CTNNA3: variants seen among roughly 807,000 people sequenced by gnomAD.
CTNNA3 encodes the protein catenin alpha 3.
Under a neutral mutation model 95.7 loss-of-function variants are expected in CTNNA3, and 76 were observed. That is an observed-to-expected ratio of 0.79 (90% CI 0.66 to 0.96). The LOEUF (loss-of-function observed/expected upper bound fraction) is 0.96. CTNNA3 is among the 40% of genes least tolerant of loss of function. CTNNA3 has a pLI of 0.00. For missense variants in CTNNA3, 1,191 were observed against 1,089.8 expected (o/e 1.09, Z -1.31); for synonymous variants, 431 against 374.4 (o/e 1.15, Z -1.74).
intron 9 of CTNNA3, among the ~76,000 whole-genome samples, chr10:66,703,073 A>G (rs1407331475): frequency 6.6e-6 from 1 of 152,112 alleles, no homozygotes; most frequent in African/African-American, 2.4e-5. Context: ...AAAGACTCTG[A>G]AATTATATTT....
At chr10:66,880,653 T>C (rs1844808575) in intron 7 of CTNNA3, among the ~76,000 whole-genome samples, 1 of 152,110 alleles carries the variant, frequency 6.6e-6, no homozygotes, top group South Asian at 2.1e-4. Flanking sequence ...ATTTAGAGAA[T>C]ACCTGCTAGG....
intron 15 of CTNNA3, among the ~76,000 whole-genome samples, chr10:66,044,345 T>C (rs2079775121): frequency 6.6e-6 from 1 of 151,952 alleles, no homozygotes; most frequent in Non-Finnish European, 1.5e-5. Flanking sequence ...TTTATATTTA[T>C]CCAGAAAAAT....
chr10:65,932,816 AACTTTGTCCCC>A (rs1187843912), intron 17 of CTNNA3, among the ~76,000 whole-genome samples: 6 of 152,160 alleles, frequency 3.9e-5, no homozygotes, highest in African/African-American at 1.2e-4. Flanking sequence ...TTCATCATTG[AACTTTGTCCCC>A]ACTTGGTTTT....
At chr10:67,741,341 A>C (rs1332882668) in intron 1 of CTNNA3, among the ~76,000 whole-genome samples, 1 of 146,368 alleles carries the variant, frequency 6.8e-6, no homozygotes, top group Non-Finnish European at 1.5e-5. Flanking sequence ...AAAATAAAAA[A>C]AGAACAAAAA....
At chr10:66,012,666 T>A (rs1236594620) in intron 15 of CTNNA3, among the ~76,000 whole-genome samples, 1 of 152,174 alleles carries the variant, frequency 6.6e-6, no homozygotes, top group Non-Finnish European at 1.5e-5. Flanking sequence ...GAATGGAAAC[T>A]TGATGGTCAA....
rs1385964449 is a variant in CTNNA3, at chr10:67,532,450, A to C, written c.459+7053T>G. Among the ~76,000 whole-genome samples the C allele has an allele frequency of 2.0e-5, 3 of 152,240 alleles. No homozygotes were observed. In the East Asian group the frequency reaches 5.8e-4, roughly 29 times the overall value. Reference sequence around the variant, plus strand: ...TATTGTTTGTCCACAAATGCTTTATAAAATTATGTAGCAAATGTTAAATAT... The same window carrying C: ...TATTGTTTGTCCACAAATGCTTTATCAAATTATGTAGCAAATGTTAAATAT... On this transcript the variant is annotated intron_variant, in intron 4 of 17. Coordinates refer to ENST00000433211, the MANE Select transcript of CTNNA3 (RefSeq NM_013266.4).
chr10:66,858,622 C>A (rs1055089517), intron 7 of CTNNA3, among the ~76,000 whole-genome samples: 2 of 151,912 alleles, frequency 1.3e-5, no homozygotes, highest in Non-Finnish European at 2.9e-5. Flanking sequence ...CTCCCTGGTT[C>A]AATCTTAGGA....
At chr10:66,873,863 T>C (rs1424989767) in intron 7 of CTNNA3, among the ~76,000 whole-genome samples, 1 of 152,186 alleles carries the variant, frequency 6.6e-6, no homozygotes. Flanking sequence ...AAAGAACTTA[T>C]GTCTAAGTTG....
intron 15 of CTNNA3, among the ~76,000 whole-genome samples, chr10:66,021,337 A>G (rs1175989807): frequency 1.3e-5 from 2 of 152,176 alleles, no homozygotes; most frequent in Non-Finnish European, 2.9e-5. Flanking sequence ...AGCAATCCAC[A>G]TCCTCATGTC....
chr10:67,592,106 T>G (rs1842809103), intron 3 of CTNNA3, among the ~76,000 whole-genome samples: 1 of 152,084 alleles, frequency 6.6e-6, no homozygotes, highest in African/African-American at 2.4e-5. Context: ...TGAATGGTGC[T>G]TTTTCCAAGA....
chr10:67,110,362 C>CAA (rs201393286), intron 7 of CTNNA3, among the ~76,000 whole-genome samples: 2 of 150,582 alleles, frequency 1.3e-5, no homozygotes, highest in Non-Finnish European at 3.0e-5. Flanking sequence ...ACTTGGCTTA[C>CAA]AAAAAAAAAT....
intron 13 of CTNNA3, among the ~76,000 whole-genome samples, chr10:66,219,772 T>A (rs1224858019): frequency 6.6e-6 from 1 of 152,134 alleles, no homozygotes; most frequent in Non-Finnish European, 1.5e-5. Context: ...TTCAAGCCAC[T>A]ATGATTTGGG....
At chr10:67,412,862 T>C (rs915182625) in intron 5 of CTNNA3, among the ~76,000 whole-genome samples, 1 of 152,110 alleles carries the variant, frequency 6.6e-6, no homozygotes, top group South Asian at 2.1e-4. Flanking sequence ...AAGGGAGTTC[T>C]AAACATGAAT....
In CTNNA3 at chr10:67,690,742, T is replaced by C. The variant is rs182469094; in HGVS notation, c.-6+5258A>G. Among the ~76,000 whole-genome samples, 591 of 152,294 alleles carry C rather than the reference T, an allele frequency of 3.9e-3. 6 individuals are homozygous for C. The highest frequency in any genetic ancestry group is 0.014 in the African/African-American group (563 of 41,560). On this transcript the variant is annotated intron_variant, in intron 1 of 17. Transcript: ENST00000433211. ...CACCTCTCAAGAGGAGATAAATGTT[T>C]ATACAGTGTAACTTAAGCAACGCTA...
At chr10:66,767,993 G>A (rs981242657) in intron 8 of CTNNA3, among the ~76,000 whole-genome samples, 3 of 152,164 alleles carry the variant, frequency 2.0e-5, no homozygotes, top group African/African-American at 7.2e-5. Context: ...GGGGTTACAA[G>A]GCAAAGGGGA....
rs1842265821 is a variant in CTNNA3 at position 66,552,944 on chromosome 10, AT to A, written c.1375-32172del. On this transcript the variant is annotated intron_variant, in intron 10 of 17. Transcript: ENST00000433211. ...CTATTTTCTCTGATAGTTGATAAGT[AT>A]TTTAAAAATATGCTGAGTGATTTTT... Among the ~76,000 whole-genome samples, 5 of 152,156 alleles carry A rather than the reference AT, an allele frequency of 3.3e-5. No homozygotes were observed. In the South Asian group the frequency reaches 1.0e-3, roughly 32 times the overall value.
intron 7 of CTNNA3, among the ~76,000 whole-genome samples, chr10:66,819,092 TAAA>T (rs35494489): frequency 9.0e-6 from 1 of 110,720 alleles, no homozygotes; most frequent in African/African-American, 3.7e-5. Context: ...ACTCTTGTCT[TAAA>T]AAAAAAAAAA....
At chr10:66,106,908 G>A (rs142227548) in intron 13 of CTNNA3, among the ~76,000 whole-genome samples, 577 of 143,854 alleles carry the variant, frequency 4.0e-3, no homozygotes, top group Non-Finnish European at 6.8e-3. Context: ...ACATTTACTA[G>A]TTGCCTCTAG....
intron 1 of CTNNA3, among the ~76,000 whole-genome samples, chr10:67,708,695 T>C (rs1160545589): frequency 6.6e-6 from 1 of 152,122 alleles, no homozygotes; most frequent in Non-Finnish European, 1.5e-5. Flanking sequence ...TTTGTGCAAA[T>C]GTAAAGCAAG....
Sources: gnomAD v4.1 joint callset for allele counts (sites outside exome capture counted in the v4.1 genomes callset) on GRCh38, gnomAD v4.1.1 for gene constraint, MANE v1.5 for transcripts, NCBI Gene and HGNC (gene_info 2026-07-23, HGNC 2026-07-21) for gene names.